CHRM3: variants seen among roughly 807,000 people sequenced by gnomAD.
The protein encoded by CHRM3 is muscarinic acetylcholine receptor M3.
A neutral mutation model predicts 41.8 loss-of-function variants in CHRM3; 11 were observed. That is an observed-to-expected ratio of 0.26 (90% CI 0.17 to 0.44). The LOEUF (loss-of-function observed/expected upper bound fraction) is 0.44, where lower values mean the gene tolerates loss of function less well. CHRM3 is among the 20% of genes least tolerant of loss of function. The pLI is 1.00. For missense variants in CHRM3, 571 were observed against 745.4 expected (o/e 0.77, Z 2.72); for synonymous variants, 297 against 301.4 (o/e 0.99, Z 0.15).
chr1:239,408,131 A>T, intron 1 of CHRM3: 1 of 152,082 alleles, frequency 6.6e-6, no homozygotes, highest in East Asian at 1.9e-4. Context: ...CGTAATAGTG[A>T]GTGAGTTCTC....
At chr1:239,592,372 C>T (rs1027252621) in intron 3 of CHRM3, among the ~76,000 whole-genome samples, 8 of 151,966 alleles carry the variant, frequency 5.3e-5, no homozygotes, top group Admixed American at 2.6e-4. Context: ...ATGTAACTAT[C>T]GCAATTAATT....
At chr1:239,812,693 A>G (rs1289213060) in intron 5 of CHRM3, among the ~76,000 whole-genome samples, 2 of 152,224 alleles carry the variant, frequency 1.3e-5, no homozygotes, top group African/African-American at 4.8e-5. Context: ...TTATCATGCA[A>G]AATTAAACAG....
chr1:239,436,487 A>C (rs1003066979), intron 1 of CHRM3, among the ~76,000 whole-genome samples: 1 of 152,038 alleles, frequency 6.6e-6, no homozygotes, highest in Non-Finnish European at 1.5e-5. Context: ...TGTGGGCAGC[A>C]CGGTGCTGTG....
At chr1:239,527,540 G>A (rs1423869735) in intron 2 of CHRM3, among the ~76,000 whole-genome samples, 7 of 152,138 alleles carry the variant, frequency 4.6e-5, no homozygotes, top group Non-Finnish European at 1.0e-4. Context: ...TCTCAGGTCT[G>A]AGATTTTTGC....
chr1:239,441,256 A>G (rs1265221017), intron 1 of CHRM3, among the ~76,000 whole-genome samples: 5 of 152,218 alleles, frequency 3.3e-5, no homozygotes, highest in Non-Finnish European at 7.3e-5. Context: ...GTTAACCAAA[A>G]GTGAGACAAA....
intron 5 of CHRM3, among the ~76,000 whole-genome samples, chr1:239,751,224 G>C (rs1346431827): frequency 3.5e-5 from 5 of 144,226 alleles, no homozygotes; most frequent in African/African-American, 1.0e-4. Flanking sequence ...GATGACAAGA[G>C]TGAAACTTCA....
intron 5 of CHRM3, among the ~76,000 whole-genome samples, chr1:239,712,847 A>G (rs1661948020): frequency 6.6e-6 from 1 of 152,164 alleles, no homozygotes. Context: ...TATCTGGACT[A>G]TTTCATTACT....
chr1:239,445,859 A>G (rs1664086719), intron 1 of CHRM3, among the ~76,000 whole-genome samples: 1 of 152,188 alleles, frequency 6.6e-6, no homozygotes. Context: ...ATAATGGGAA[A>G]TGGAGGCAAA....
intron 4 of CHRM3, among the ~76,000 whole-genome samples, chr1:239,675,156 A>T (rs985200550): frequency 2.0e-5 from 3 of 152,178 alleles, no homozygotes; most frequent in African/African-American, 7.2e-5. Context: ...CACTGAGGTC[A>T]CTTCTGTTCA....
chr1:239,527,238 G>T (rs1348116204), intron 2 of CHRM3, among the ~76,000 whole-genome samples: 2 of 152,146 alleles, frequency 1.3e-5, no homozygotes, highest in African/African-American at 4.8e-5. Flanking sequence ...TTCAGATGAA[G>T]AAACAGTAGA....
At chr1:239,772,730 A>C (rs978768653) in intron 5 of CHRM3, among the ~76,000 whole-genome samples, 1 of 151,894 alleles carries the variant, frequency 6.6e-6, no homozygotes, top group Non-Finnish European at 1.5e-5. Context: ...CTCCCTCTCT[A>C]TACAATTACC....
intron 2 of CHRM3, among the ~76,000 whole-genome samples, chr1:239,495,793 A>G (rs1198410485): frequency 2.0e-5 from 3 of 152,162 alleles, no homozygotes; most frequent in African/African-American, 4.8e-5. Flanking sequence ...TATATTAGTT[A>G]TTATTACTGT....
chr1:239,552,252 AGAT>A (rs1469335368), intron 3 of CHRM3, among the ~76,000 whole-genome samples: 2 of 147,652 alleles, frequency 1.4e-5, no homozygotes, highest in African/African-American at 4.9e-5. Flanking sequence ...ATATATGTAT[AGAT>A]GATATGTATC....
intron 3 of CHRM3, chr1:239,546,061 GT>G (rs1474221283): frequency 3.9e-5 from 6 of 152,112 alleles, no homozygotes; most frequent in African/African-American, 1.4e-4. Context: ...ATGTCTTCTG[GT>G]CAATATCATA....
chr1:239,540,524 C>G (rs1449489967), intron 2 of CHRM3, among the ~76,000 whole-genome samples: 2 of 152,116 alleles, frequency 1.3e-5, no homozygotes, highest in Non-Finnish European at 2.9e-5. Flanking sequence ...TGGAGAAAGT[C>G]TGGGATAGTA....
At chr1:239,492,577 A>C in intron 1 of CHRM3, 132 bp from the exon 2 acceptor site, 1 of 152,202 alleles carries the variant, frequency 6.6e-6, no homozygotes, top group East Asian at 1.9e-4. Flanking sequence ...TTTTATCCCA[A>C]CATTCCTGGC....
At chr1:239,743,961 A>AT (rs34364184) in intron 5 of CHRM3, among the ~76,000 whole-genome samples, 17 of 139,412 alleles carry the variant, frequency 1.2e-4, no homozygotes, top group Non-Finnish European at 1.9e-4. Context: ...TGCCCGGCTA[A>AT]TTTTTTTTTT....
chr1:239,857,401 C>T (rs1167121250), intron 6 of CHRM3, among the ~76,000 whole-genome samples: 3 of 151,830 alleles, frequency 2.0e-5, no homozygotes, highest in Non-Finnish European at 4.4e-5. Context: ...GATACTACCA[C>T]GAATAAGTTA....
chr1:239,670,774 C>CCT lies in CHRM3; in HGVS notation c.-249-7411_-249-7410insTC, dbSNP rs372419450. 2.4e-4 allele frequency among the ~76,000 whole-genome samples: 35 copies of CCT among 147,958 alleles called. No individual in the cohort carries two copies. The South Asian group carries it at 7.3e-3, about 31-fold the overall frequency. On this transcript the variant is annotated intron_variant, in intron 4 of 6. Coordinates refer to ENST00000676153, the MANE Select transcript of CHRM3 (RefSeq NM_001375978.1). Reference sequence around the variant, plus strand: ...AACTCCCAACCTCAGGTGATCTACCCCCCCCACCTCAGTTTCCCAAAGTGG... The same window carrying CCT: ...AACTCCCAACCTCAGGTGATCTACCCCTCCCCCACCTCAGTTTCCCAAAGTGG...
Sources: allele counts gnomAD v4.1 joint callset (sites outside exome capture counted in the v4.1 genomes callset), GRCh38; gene constraint gnomAD v4.1.1; transcripts MANE v1.5; gene names NCBI Gene and HGNC (gene_info 2026-07-23, HGNC 2026-07-21).